The following MTARC1 variants were observed in gnomAD, a reference collection of about 807,000 sequenced individuals.
The protein encoded by MTARC1 is mitochondrial amidoxime reducing component 1, also known as mitochondrial amidoxime-reducing component 1.
MTARC1 carries 24 observed loss-of-function variants against 33.6 expected under a neutral mutation model. That is an observed-to-expected ratio of 0.72 (90% confidence interval 0.52 to 1.01). The LOEUF is 1.01. MTARC1 is among the 50% of genes least tolerant of loss of function. The pLI is 0.00. For synonymous variants in MTARC1, 187 were observed against 189.5 expected (o/e 0.99, Z 0.11); for missense variants, 417 against 445.7 (o/e 0.94, Z 0.58).
intron 1 of MTARC1, chr1:220,791,265 G>A (rs187619823): frequency 2.3e-6 from 1 of 437,598 alleles, no homozygotes; most frequent in East Asian, 3.4e-5. Flanking sequence ...CTGTTCTCCA[G>A]ATATATGTTG....
In MTARC1 at chr1:220,813,723, C is replaced by G. The variant is rs1401765313; in HGVS notation, c.*305C>G. 1 of 299,620 alleles carries G rather than the reference C, an allele frequency of 3.3e-6. No homozygotes were observed. Among genetic ancestry groups the G allele is most frequent in the Non-Finnish European group, 6.4e-6 (1 of 155,226 alleles). 18.6% of individuals were successfully genotyped at this position (299,620 alleles called of 1,614,324 possible). A position where few individuals can be genotyped will look rare whatever the true frequency, so the allele number is the denominator to read the frequency against. On this transcript the variant is annotated 3_prime_UTR_variant, in exon 7 of 7. Transcript: ENST00000366910. ...TTCTTTCTCCTGCTTCTCCGTTTAT[C>G]TACCAAGAGCGCAGACTTGCATCCT...
At chr1:220,792,492 GAAC>G (rs762030827) in intron 2 of MTARC1, among the ~76,000 whole-genome samples, 3 of 152,226 alleles carry the variant, frequency 2.0e-5, no homozygotes, top group Non-Finnish European at 4.4e-5. Context: ...GTAGTTATCT[GAAC>G]AACGTCTAAA....
intron 6 of MTARC1, among the ~76,000 whole-genome samples, chr1:220,807,739 T>C (rs895917426): frequency 6.6e-6 from 1 of 152,180 alleles, no homozygotes; most frequent in Non-Finnish European, 1.5e-5. Flanking sequence ...AATGTCACTA[T>C]ATGTGACAGA....
At chr1:220,804,590 G>A (rs978432265) in intron 4 of MTARC1, among the ~76,000 whole-genome samples, 1 of 152,054 alleles carries the variant, frequency 6.6e-6, no homozygotes, top group Non-Finnish European at 1.5e-5. Flanking sequence ...ATCTGGCTAG[G>A]GGAGACATGC....
intron 1 of MTARC1, among the ~76,000 whole-genome samples, chr1:220,789,112 G>A (rs1351677870): frequency 2.0e-5 from 3 of 152,042 alleles, no homozygotes; most frequent in African/African-American, 7.3e-5. Flanking sequence ...GATGCGACAC[G>A]TGCCAGGGTG....
chr1:220,799,438 T>G lies in MTARC1; in HGVS notation c.753+1424T>G, dbSNP rs68095121. Among the ~76,000 whole-genome samples, 380 of 152,288 alleles carry G rather than the reference T, an allele frequency of 2.5e-3. 5 individuals are homozygous for G. Among genetic ancestry groups the G allele is most frequent in the South Asian group, 0.022 (107 of 4,828 alleles). On this transcript the variant is annotated intron_variant, in intron 4 of 6. Coordinates refer to ENST00000366910, the MANE Select transcript of MTARC1 (RefSeq NM_022746.4). ...CAGTGTTTGGTTGCCTTTGACCATCTCCTTGATATTCATCTTCCACCAGCT... is the reference window on the plus strand; with the variant it reads ...CAGTGTTTGGTTGCCTTTGACCATCGCCTTGATATTCATCTTCCACCAGCT...
At chr1:220,806,279 G>A (rs1415291090) in intron 6 of MTARC1, among the ~76,000 whole-genome samples, 1 of 152,130 alleles carries the variant, frequency 6.6e-6, no homozygotes, top group African/African-American at 2.4e-5. Flanking sequence ...TGAGTCACAG[G>A]CCAGGTGTCA....
rs555067111 is a variant in MTARC1, at chr1:220,814,724, G to A, written c.*1306G>A. On this transcript the variant is annotated 3_prime_UTR_variant, in exon 7 of 7. Coordinates refer to ENST00000366910, the MANE Select transcript of MTARC1 (RefSeq NM_022746.4). ...CCACTACACTCCAGCCTGAGTGATAGAGTGAGACCCTATCTCTAAAAAAGA... is the reference window on the plus strand; with the variant it reads ...CCACTACACTCCAGCCTGAGTGATAAAGTGAGACCCTATCTCTAAAAAAGA... 1.3e-5 allele frequency: 2 copies of A among 152,244 alleles called. No homozygotes were observed. The highest frequency in any genetic ancestry group is 1.3e-4 in the Admixed American group (2 of 15,280). The allele number at this position is 152,244 out of a possible 1,614,324, so 9.4% of individuals were successfully genotyped here.
chr1:220,802,812 T>G (rs1672856462), intron 4 of MTARC1, among the ~76,000 whole-genome samples: 1 of 152,208 alleles, frequency 6.6e-6, no homozygotes, highest in African/African-American at 2.4e-5. Flanking sequence ...GTTTGTTACT[T>G]TAAGTTTGGA....
At chr1:220,793,411 G>T (rs1382199565) in intron 2 of MTARC1, 1 of 152,172 alleles carries the variant, frequency 6.6e-6, no homozygotes, top group African/African-American at 2.4e-5. Context: ...CTAAACAAGG[G>T]CATGCTTGCA....
intron 4 of MTARC1, among the ~76,000 whole-genome samples, chr1:220,800,549 T>C (rs1672760146): frequency 6.6e-6 from 1 of 152,000 alleles, no homozygotes; most frequent in Non-Finnish European, 1.5e-5. Flanking sequence ...CCCTTTCTCA[T>C]TTGTCTGCAC....
Position 220,815,094 on chromosome 1 carries a change from A to G in MTARC1, c.*1676A>G, listed in dbSNP as rs1283945522. 1.3e-5 allele frequency: 2 copies of G among 152,252 alleles called. No homozygotes were observed. The highest frequency in any genetic ancestry group is 2.4e-5 in the African/African-American group (1 of 41,470). The allele number at this position is 152,252 out of a possible 1,614,324, so 9.4% of individuals were successfully genotyped here. ...AATAATTACATCAATTTTCCAGAGA[A>G]CCTGGGCCATCACCTTCCCCAACAA... On this transcript the variant is annotated 3_prime_UTR_variant, in exon 7 of 7. Transcript: ENST00000366910.
At chr1:220,787,274 G>T (rs1305973789) in intron 1 of MTARC1, 55 bp downstream of exon 1, 3 of 1,496,202 alleles carry the variant, frequency 2.0e-6, no homozygotes, top group African/African-American at 1.4e-5. Flanking sequence ...GCAAGGGGGT[G>T]AGAAGGGAGG....
chr1:220,818,000 C>T lies in MTARC1; in HGVS notation c.*4582C>T, dbSNP rs1472856267. ...CTATCTATGTCTGCACAAAGCACTA[C>T]TGTGCTTTGCTGTCTGCAAGAACAG... On this transcript the variant is annotated 3_prime_UTR_variant, in exon 7 of 7. Transcript: ENST00000366910. 6.6e-6 allele frequency: 1 copy of T among 152,232 alleles called. No individual in the cohort carries two copies. Among genetic ancestry groups the T allele is most frequent in the Non-Finnish European group, 1.5e-5 (1 of 68,050 alleles). 9.4% of individuals were successfully genotyped at this position (152,232 alleles called of 1,614,324 possible).
chr1:220,801,119 C>T (rs1672786610), intron 4 of MTARC1, among the ~76,000 whole-genome samples: 1 of 152,180 alleles, frequency 6.6e-6, no homozygotes, highest in Non-Finnish European at 1.5e-5. Flanking sequence ...AAGATGGGAT[C>T]CTTATGGATT....
At chr1:220,798,150 A>G in intron 4 of MTARC1, 136 bp downstream of exon 4, 1 of 1,603,006 alleles carries the variant, frequency 6.2e-7, no homozygotes. Flanking sequence ...TTTGATTTTT[A>G]GATTTATTCA....
At position 220,814,250 on chromosome 1, in the gene MTARC1, C is replaced by A. The variant is rs917334255; in HGVS notation, c.*832C>A. 6.6e-6 allele frequency: 1 copy of A among 152,204 alleles called. No homozygotes were observed. The highest frequency in any genetic ancestry group is 1.5e-5 in the Non-Finnish European group (1 of 68,038). The allele number at this position is 152,204 out of a possible 1,614,324, so 9.4% of individuals were successfully genotyped here. On this transcript the variant is annotated 3_prime_UTR_variant, in exon 7 of 7. Coordinates refer to ENST00000366910, the MANE Select transcript of MTARC1 (RefSeq NM_022746.4). Reference sequence around the variant, plus strand: ...ATGTCAGTTGTTTAAAACCCAATATCTATTTTTTAACTGATTGTATAACTC... The same window carrying A: ...ATGTCAGTTGTTTAAAACCCAATATATATTTTTTAACTGATTGTATAACTC...
rs775416483 is a variant in MTARC1, at chr1:220,798,238, A to T, written c.753+224A>T. 2.0e-6 allele frequency: 3 copies of T among 1,464,206 alleles called. No individual in the cohort carries two copies. The South Asian group carries it at 3.6e-5, about 18-fold the overall frequency. 90.7% of individuals were successfully genotyped at this position (1,464,206 alleles called of 1,614,324 possible). On this transcript the variant is annotated intron_variant, in intron 4 of 6. Transcript: ENST00000366910. ...GAGACTGTCATCAAGGAGGCAGTTC[A>T]GTATCTAAGGCTTCTAAGGAGAATT...
chr1:220,818,422 C>T lies in MTARC1; in HGVS notation c.*5004C>T, dbSNP rs1310400033. On this transcript the variant is annotated 3_prime_UTR_variant, in exon 7 of 7. Transcript: ENST00000366910. ...CTTCCCATTCAGCCTCTTCCAAGGC[C>T]ATTTTTGATAGGCAGGTCAAATTCA... 6.6e-6 allele frequency: 1 copy of T among 152,262 alleles called. No individual in the cohort carries two copies. The highest frequency in any genetic ancestry group is 1.5e-5 in the Non-Finnish European group (1 of 68,068). 9.4% of individuals were successfully genotyped at this position (152,262 alleles called of 1,614,324 possible).
Sources: gnomAD v4.1 joint callset for allele counts (sites outside exome capture counted in the v4.1 genomes callset) on GRCh38, gnomAD v4.1.1 for gene constraint, MANE v1.5 for transcripts, NCBI Gene and HGNC (gene_info 2026-07-23, HGNC 2026-07-21) for gene names.